The following FGD3 variants were observed in gnomAD, a reference collection of about 807,000 sequenced individuals.
The protein encoded by FGD3 is FYVE, RhoGEF and PH domain-containing protein 3.
A neutral mutation model predicts 71.8 loss-of-function variants in FGD3; 45 were observed. That is an observed-to-expected ratio of 0.63 (90% CI 0.49 to 0.80). The LOEUF (loss-of-function observed/expected upper bound fraction) is 0.80, where lower values mean the gene tolerates loss of function less well. Among genes scored for constraint, FGD3 ranks in the 30% least tolerant of loss-of-function variants. FGD3 has a pLI of 0.00. For missense variants in FGD3, 844 were observed against 951.5 expected (o/e 0.89, Z 1.49); for synonymous variants, 378 against 392.8 (o/e 0.96, Z 0.44).
At chr9:93,013,747 C>G in intron 8 of FGD3, 105 bp from the exon 9 acceptor site, 1 of 1,439,952 alleles carries the variant, frequency 6.9e-7, no homozygotes, top group Non-Finnish European at 9.6e-7. Flanking sequence ...AGCTCATTGC[C>G]CTCTCTGGAT....
chr9:92,990,700 C>G (rs1337460037), intron 3 of FGD3, among the ~76,000 whole-genome samples: 2 of 152,172 alleles, frequency 1.3e-5, no homozygotes, highest in Admixed American at 1.3e-4. Context: ...GTTCTTAGTT[C>G]TGTGAATGTG....
In FGD3 at chr9:93,011,227, C is replaced by T. The variant is rs1320433475; in HGVS notation, c.990C>T (p.Leu330=). 1.2e-6 allele frequency: 2 copies of T among 1,614,176 alleles called. No individual in the cohort carries two copies. Among genetic ancestry groups the T allele is most frequent in the Admixed American group, 3.3e-5 (2 of 60,028 alleles). The stretch of plus-strand genomic sequence containing the variant: ...TTCTTCCTGCAGGGTCCTTGGAGCT[C>T]ATCTCCACAGCCGCCAACCACTCCA... The part of the protein sequence containing the change: ...DRKDAERSLE[L]ISTAANHSNA... Residue 330 remains leucine (L), a synonymous_variant, in exon 8 of 18, where the codon CTC becomes CTT. Transcript: ENST00000375482.
chr9:92,989,248 A>G (rs1860305722), intron 3 of FGD3, among the ~76,000 whole-genome samples: 1 of 152,030 alleles, frequency 6.6e-6, no homozygotes, highest in African/African-American at 2.4e-5. Flanking sequence ...ACGGGGTTTC[A>G]CCATGTTAGC....
rs182601182 is a variant in FGD3, at chr9:93,018,029, T to C, written c.1276-107T>C. On this transcript the variant is annotated intron_variant, in intron 10 of 17. Transcript: ENST00000375482. ...CCTGCAGAACTGTGGGGCTGCAGGC[T>C]CACCTCTGTTACCTCCTTGGGGAAA... 1.2e-4 allele frequency: 130 copies of C among 1,044,334 alleles called. No individual in the cohort carries two copies. The African/African-American group carries it at 1.8e-3, about 14-fold the overall frequency. The allele number at this position is 1,044,334 out of a possible 1,614,324, so 64.7% of individuals were successfully genotyped here.
intron 13 of FGD3, 21 bp downstream of exon 13, chr9:93,020,445 G>A (rs1323650892): frequency 1.9e-6 from 3 of 1,603,644 alleles, no homozygotes; most frequent in Non-Finnish European, 2.6e-6. Context: ...GGCCCGGGGT[G>A]CAGAGAGACC....
chr9:92,955,654 G>A (rs777945038), intron 1 of FGD3, among the ~76,000 whole-genome samples: 1 of 152,094 alleles, frequency 6.6e-6, no homozygotes, highest in South Asian at 2.1e-4. Context: ...ATCATAGCTC[G>A]GACCTTGACA....
rs749584174 is a variant in FGD3 at position 93,020,356 on chromosome 9, G to C, written c.1426G>C (p.Glu476Gln). Reference protein sequence around the residue: ...ATIEKHKQNSETFKAFGGAFS... With the variant: ...ATIEKHKQNSQTFKAFGGAFS... Reference sequence around the variant, plus strand: ...CATCGAGAAGCACAAACAGAACAGCGAAACCTTCAAGGCTTTTGGTGGCGC... The same window carrying C: ...CATCGAGAAGCACAAACAGAACAGCCAAACCTTCAAGGCTTTTGGTGGCGC... Residue 476 changes from glutamate to glutamine, a missense_variant, in exon 13 of 18, where the codon GAA (glutamate) becomes CAA (glutamine). Coordinates refer to ENST00000375482, the MANE Select transcript of FGD3 (RefSeq NM_001083536.2). The C allele has an allele frequency of 1.7e-5, 27 of 1,613,804 alleles. No individual in the cohort carries two copies. Among genetic ancestry groups the C allele is most frequent in the Non-Finnish European group, 2.3e-5 (27 of 1,179,974 alleles).
chr9:93,007,088 A>T (rs2118716519), intron 6 of FGD3, among the ~76,000 whole-genome samples: 1 of 139,758 alleles, frequency 7.2e-6, no homozygotes, highest in East Asian at 2.2e-4. Context: ...ATTTTTATTC[A>T]TTTATTTTTT....
chr9:92,995,209 C>A (rs1353898767), intron 3 of FGD3, among the ~76,000 whole-genome samples: 1 of 152,052 alleles, frequency 6.6e-6, no homozygotes, highest in Non-Finnish European at 1.5e-5. Flanking sequence ...AAGTTGGATT[C>A]CTAGGTATTT....
At chr9:92,965,430 G>A (rs561362834) in intron 1 of FGD3, among the ~76,000 whole-genome samples, 1 of 152,326 alleles carries the variant, frequency 6.6e-6, no homozygotes, top group South Asian at 2.1e-4. Context: ...CTTGCTCAGT[G>A]GCCCCAGAGC....
intron 3 of FGD3, among the ~76,000 whole-genome samples, chr9:92,999,589 C>CTTT (rs886295047): frequency 7.6e-6 from 1 of 131,172 alleles, no homozygotes; most frequent in Admixed American, 7.8e-5. Flanking sequence ...ATCTTGGAAC[C>CTTT]TTTTTTTTTT....
chr9:92,969,235 C>T lies in FGD3; in HGVS notation c.-217-6003C>T, dbSNP rs1245047179. ...GGCTGGGACCCATTGCATAAGGCTT[C>T]CCCCAAAGGCTTCAGGCCTGGCTGC... On this transcript the variant is annotated intron_variant, in intron 1 of 17. Transcript: ENST00000375482. This position sits in a 1 kb window ranked among gnomAD's most constrained non-coding sequence, Gnocchi z 4.5. Among the ~76,000 whole-genome samples, 2 of 152,216 alleles carry T rather than the reference C, an allele frequency of 1.3e-5. No individual in the cohort carries two copies. Among genetic ancestry groups the T allele is most frequent in the African/African-American group, 2.4e-5 (1 of 41,456 alleles).
At chr9:92,950,991 G>A (rs1282925691) in intron 1 of FGD3, among the ~76,000 whole-genome samples, 1 of 152,100 alleles carries the variant, frequency 6.6e-6, no homozygotes, top group Non-Finnish European at 1.5e-5. Flanking sequence ...AAGAGAATGA[G>A]GAGAGGCAAG....
At position 93,010,252 on chromosome 9, in the gene FGD3, G is replaced by A; in HGVS notation, c.844G>A (p.Glu282Lys). 6.2e-7 allele frequency: 1 copy of A among 1,608,762 alleles called. No homozygotes were observed. The highest frequency in any genetic ancestry group is 1.1e-5 in the South Asian group (1 of 90,844). The change falls in exon 7 of 18, where the codon GAG (glutamate) becomes AAG (lysine). Residue 282 changes from glutamate (E) to lysine (K), a missense_variant. Physicochemically the swap from Glu to Lys is moderately conservative, Grantham distance 56 (BLOSUM62 1). Coordinates refer to ENST00000375482, the MANE Select transcript of FGD3 (RefSeq NM_001083536.2). ...GCTCCCTCTGTCCCCACAGAAGCAG[G>A]AGGTATGCGGGAACCTGACGCTGCA... ...KDVVHSIQKQ[E>K]VCGNLTLQHH...
chr9:92,988,544 C>T (rs1860278777), intron 3 of FGD3, among the ~76,000 whole-genome samples: 1 of 152,194 alleles, frequency 6.6e-6, no homozygotes, highest in African/African-American at 2.4e-5. Context: ...GGCTACCTAC[C>T]TTACACTAAT....
intron 1 of FGD3, among the ~76,000 whole-genome samples, chr9:92,965,183 C>T (rs1859273839): frequency 6.6e-6 from 1 of 152,204 alleles, no homozygotes; most frequent in Non-Finnish European, 1.5e-5. Context: ...GTTCGGGTCA[C>T]ACAGCATGGC....
intron 3 of FGD3, among the ~76,000 whole-genome samples, chr9:92,996,976 G>A (rs1298352124): frequency 6.6e-6 from 1 of 152,324 alleles, no homozygotes; most frequent in East Asian, 1.9e-4. Context: ...GTAGAGTTCT[G>A]TAGATGTCTA....
intron 3 of FGD3, among the ~76,000 whole-genome samples, chr9:92,994,111 A>G (rs1338047375): frequency 6.6e-6 from 1 of 152,098 alleles, no homozygotes; most frequent in Non-Finnish European, 1.5e-5. Context: ...ATTTCTCCAC[A>G]TCCTCTCCAG....
rs181450356 is a variant in FGD3, at chr9:92,983,041, G to A, written c.453+6332G>A. ...GCAGAGGTCACAGTGAGCTGAGATCGTACCACTGTACCCCAACCTGAGCAA... is the reference window on the plus strand; with the variant it reads ...GCAGAGGTCACAGTGAGCTGAGATCATACCACTGTACCCCAACCTGAGCAA... On this transcript the variant is annotated intron_variant, in intron 3 of 17. Transcript: ENST00000375482. 9.0e-4 allele frequency among the ~76,000 whole-genome samples: 136 copies of A among 150,950 alleles called. 1 individual carries two copies. In the East Asian group the frequency reaches 0.022, roughly 25 times the overall value.
Sources: gnomAD v4.1 joint callset for allele counts (sites outside exome capture counted in the v4.1 genomes callset) on GRCh38, gnomAD v4.1.1 for gene constraint, Gnocchi (gnomAD v3.1) non-coding constraint, MANE v1.5 for transcripts, NCBI Gene and HGNC (gene_info 2026-07-23, HGNC 2026-07-21) for gene names.